DFFB: variants seen among roughly 807,000 people sequenced by gnomAD.
DFFB encodes DNA fragmentation factor subunit beta, also known as DNA fragmentation factor 40 kDa subunit.
Under a neutral mutation model 32.7 loss-of-function variants are expected in DFFB, and 29 were observed. That is an observed-to-expected ratio of 0.89 (90% CI 0.66 to 1.21). The LOEUF (loss-of-function observed/expected upper bound fraction) is 1.21. Ranked by LOEUF, DFFB falls within the 50% of genes most tolerant of loss-of-function variation. DFFB has a pLI of 0.00. For synonymous variants in DFFB, 170 were observed against 177.1 expected (o/e 0.96, Z 0.32); for missense variants, 398 against 440.6 (o/e 0.90, Z 0.87).
rs777653882 is a variant in DFFB, at chr1:3,865,971, C to T, written c.401C>T (p.Thr134Ile). 6.3e-7 allele frequency: 1 copy of T among 1,579,988 alleles called. No individual in the cohort carries two copies. Among genetic ancestry groups the T allele is most frequent in the Non-Finnish European group, 8.6e-7 (1 of 1,159,808 alleles). ...HNVSQNIAAETRAEDPPWFEG... is the reference protein window; with the variant it reads ...HNVSQNIAAEIRAEDPPWFEG... ...GTCAGCCAGAACATCGCGGCCGAGA[C>T]CCGGGCTGAGGACCCGCCGTGGTTT... Residue 134 changes from threonine (T) to isoleucine (I), a missense_variant, in exon 3 of 7, where the codon ACC becomes ATC. Physicochemically the swap from Thr to Ile is moderately conservative, Grantham distance 89. Transcript: ENST00000378209. The surrounding 1 kb of genome is among the most constrained non-coding windows in gnomAD (Gnocchi z 4.7).
chr1:3,883,689 A>G lies in DFFB; in HGVS notation c.965A>G (p.Tyr322Cys). 2.5e-6 allele frequency: 4 copies of G among 1,614,160 alleles called. No individual in the cohort carries two copies. Among genetic ancestry groups the G allele is most frequent in the Non-Finnish European group, 3.4e-6 (4 of 1,180,028 alleles). ...HKLNCDPSRI[Y>C]KPQTRLKRKQ... ...CTCAACTGTGACCCAAGCAGAATCT[A>G]CAAACCCCAGACAAGGTTGAAGCGG... Residue 322 changes from tyrosine (Y) to cysteine (C), a missense_variant, in exon 7 of 7, where the codon TAC becomes TGC. Tyr to Cys is a radical substitution (Grantham distance 194, BLOSUM62 -2). Transcript: ENST00000378209.
chr1:3,857,730 C>T lies in DFFB; in HGVS notation c.114+13C>T. 2 of 1,495,038 alleles carry T rather than the reference C, an allele frequency of 1.3e-6. No individual in the cohort carries two copies. Among genetic ancestry groups the T allele is most frequent in the Non-Finnish European group, 1.8e-6 (2 of 1,118,084 alleles). The allele number at this position is 1,495,038 out of a possible 1,614,324, so 92.6% of individuals were successfully genotyped here. On this transcript the variant is annotated intron_variant, in intron 1 of 6. Coordinates refer to ENST00000378209, the MANE Select transcript of DFFB (RefSeq NM_004402.4). The stretch of plus-strand genomic sequence containing the variant: ...TCTCCGCTTCCAGGTGCCCGCTGGG[C>T]TAGGCGGGGACGGCCCGTCGGGGAG...
chr1:3,878,264 G>T (rs186864895), intron 6 of DFFB, among the ~76,000 whole-genome samples: 1 of 151,690 alleles, frequency 6.6e-6, no homozygotes, highest in African/African-American at 2.4e-5. Flanking sequence ...TGATTCTTGT[G>T]CCTCAGCCTC....
intron 6 of DFFB, among the ~76,000 whole-genome samples, chr1:3,879,978 G>T (rs12071660): frequency 6.6e-6 from 1 of 152,046 alleles, no homozygotes; most frequent in African/African-American, 2.4e-5. Flanking sequence ...TCTGGCATTC[G>T]TTCTTGAGCC....
intron 3 of DFFB, chr1:3,867,756 G>C (rs1048334192): frequency 1.8e-6 from 1 of 541,728 alleles, no homozygotes; most frequent in South Asian, 2.1e-5. Context: ...GGAAGTCTGA[G>C]GCAGGAGGAT....
chr1:3,858,571 TG>T, intron 1 of DFFB, 146 bp from the exon 2 acceptor site: 1 of 986,088 alleles, frequency 1.0e-6, no homozygotes, highest in Non-Finnish European at 1.5e-6. Context: ...CATCCTTGCC[TG>T]GGCGTTGGAG....
chr1:3,879,236 C>G (rs974638143), intron 6 of DFFB, among the ~76,000 whole-genome samples: 1 of 152,144 alleles, frequency 6.6e-6, no homozygotes, highest in African/African-American at 2.4e-5. Flanking sequence ...GAAAATGCTT[C>G]TGCGTTGATG....
intron 6 of DFFB, among the ~76,000 whole-genome samples, chr1:3,875,119 TCA>T (rs1645198183): frequency 6.6e-6 from 1 of 152,176 alleles, no homozygotes; most frequent in Non-Finnish European, 1.5e-5. Context: ...GCAGAACACT[TCA>T]CTTTTTGAAT....
At chr1:3,875,383 C>T (rs1645202401) in intron 6 of DFFB, among the ~76,000 whole-genome samples, 1 of 152,180 alleles carries the variant, frequency 6.6e-6, no homozygotes, top group Admixed American at 6.5e-5. Context: ...GGACAAGATG[C>T]CCCAGTGTCT....
chr1:3,867,683 T>A, intron 3 of DFFB: 1 of 342,426 alleles, frequency 2.9e-6, no homozygotes, highest in Admixed American at 4.3e-5. Context: ...TGAGACCTCA[T>A]CTCTAAAAAC....
chr1:3,866,249 T>C (rs1427662345), intron 3 of DFFB: 1 of 594,090 alleles, frequency 1.7e-6, no homozygotes, highest in Non-Finnish European at 3.1e-6. Flanking sequence ...TTTTTATAGA[T>C]ATGTTTTGAG....
Position 3,883,820 on chromosome 1 carries a change from G to A in DFFB, c.*79G>A. ...TAACAGGTGCCTTTTTTGTTTTTTTGTTTTTCGTTTTTTTGGTCACTCCAG... is the reference window on the plus strand; with the variant it reads ...TAACAGGTGCCTTTTTTGTTTTTTTATTTTTCGTTTTTTTGGTCACTCCAG... On this transcript the variant is annotated 3_prime_UTR_variant, in exon 7 of 7. Transcript: ENST00000378209. 7.5e-7 allele frequency: 1 copy of A among 1,338,982 alleles called. No homozygotes were observed. The allele number at this position is 1,338,982 out of a possible 1,614,324, so 82.9% of individuals were successfully genotyped here. A position where few individuals can be genotyped will look rare whatever the true frequency, so the allele number is the denominator to read the frequency against.
chr1:3,874,333 G>T (rs1300445069), intron 6 of DFFB, among the ~76,000 whole-genome samples: 3 of 39,202 alleles, frequency 7.7e-5, no homozygotes, highest in African/African-American at 1.0e-4. Context: ...ATACGTGGTG[G>T]CCCACGCTGT....
intron 5 of DFFB, 100 bp downstream of exon 5, chr1:3,869,875 T>C: frequency 1.6e-6 from 2 of 1,275,918 alleles, no homozygotes; most frequent in Non-Finnish European, 2.1e-6. Context: ...TTGCCCTGCC[T>C]GGGCAAAGCC....
intron 6 of DFFB, among the ~76,000 whole-genome samples, chr1:3,881,474 G>A (rs1311089092): frequency 6.6e-6 from 1 of 152,216 alleles, no homozygotes; most frequent in Non-Finnish European, 1.5e-5. Context: ...ATCAGGGACT[G>A]GAACCCTGGT....
chr1:3,860,515 C>T, intron 2 of DFFB: 1 of 420,188 alleles, frequency 2.4e-6, no homozygotes, highest in Non-Finnish European at 4.9e-6. Flanking sequence ...AGGTATGAGC[C>T]ACTGTGCCTG....
In DFFB at chr1:3,869,629, G is replaced by T. The variant is rs1265757316; in HGVS notation, c.535G>T (p.Gly179Cys). 1.2e-6 allele frequency: 2 copies of T among 1,612,542 alleles called. No homozygotes were observed. Among genetic ancestry groups the T allele is most frequent in the African/African-American group, 1.3e-5 (1 of 74,912 alleles). ...REVSSYPSTV[G>C]AEAQEEFLRV... ...GGTGAGCTCCTACCCCTCCACGGTG[G>T]GTGCGGAGGCTCAGGAGGAATTCCT... The change falls in exon 5 of 7, where the codon GGT becomes TGT. Residue 179 changes from glycine to cysteine, a missense_variant. Physicochemically the swap from Gly to Cys is radical, Grantham distance 159. Coordinates refer to ENST00000378209, the MANE Select transcript of DFFB (RefSeq NM_004402.4).
chr1:3,865,868 A>G lies in DFFB; in HGVS notation c.298A>G (p.Ile100Val), dbSNP rs375297483. 6.2e-7 allele frequency: 1 copy of G among 1,614,086 alleles called. No individual in the cohort carries two copies. Among genetic ancestry groups the G allele is most frequent in the Non-Finnish European group, 8.5e-7 (1 of 1,179,988 alleles). ...SAFHEPQVGL[I>V]QAAQQLLCDE... ...ATTTCACGAGCCACAGGTGGGGCTC[A>G]TCCAGGCCGCCCAGCAGCTGCTGTG... Residue 100 changes from isoleucine to valine, a missense_variant, in exon 3 of 7, where the codon ATC (isoleucine) becomes GTC (valine). Physicochemically the swap from Ile to Val is conservative, Grantham distance 29. Transcript: ENST00000378209. The surrounding 1 kb of genome is among the most constrained non-coding windows in gnomAD (Gnocchi z 4.7).
rs971598833 is a variant in DFFB, at chr1:3,875,154, C to G, written c.782+2582C>G. ...AATAGGCTCTAATTTTAACATCTTT[C>G]CATACTGGGAGGCATTTAGGTTATT... On this transcript the variant is annotated intron_variant, in intron 6 of 6. Transcript: ENST00000378209. 6.6e-5 allele frequency among the ~76,000 whole-genome samples: 10 copies of G among 152,250 alleles called. No individual in the cohort carries two copies. In the East Asian group the frequency reaches 1.9e-3, roughly 29 times the overall value.
Sources: gnomAD v4.1 joint callset for allele counts (sites outside exome capture counted in the v4.1 genomes callset) on GRCh38, gnomAD v4.1.1 for gene constraint, Gnocchi (gnomAD v3.1) non-coding constraint, MANE v1.5 for transcripts, NCBI Gene and HGNC (gene_info 2026-07-23, HGNC 2026-07-21) for gene names.